The following GSE1 variants were observed in gnomAD, a reference collection of about 807,000 sequenced individuals.
GSE1 encodes the protein Gse1 coiled-coil protein, also known as genetic suppressor element 1.
In GSE1, 32 loss-of-function variants were observed where a neutral mutation model predicts 112.6. That is an observed-to-expected ratio of 0.28 (90% CI 0.21 to 0.38). GSE1 has a LOEUF of 0.38. GSE1 is among the 10% of genes least tolerant of loss of function. GSE1 has a pLI of 1.00. For synonymous variants in GSE1, 1,115 were observed against 735.6 expected (o/e 1.52, Z -8.35); for missense variants, 2,348 against 1,699.2 (o/e 1.38, Z -6.71).
chr16:85,219,440 G>A (rs543189892), intron 1 of GSE1, among the ~76,000 whole-genome samples: 75 of 152,330 alleles, frequency 4.9e-4, no homozygotes, highest in Non-Finnish European at 9.3e-4. Flanking sequence ...CAGACCTACC[G>A]CATGAAGCTG....
intron 1 of GSE1, among the ~76,000 whole-genome samples, chr16:85,186,870 G>T (rs1254773027): frequency 6.6e-6 from 1 of 152,226 alleles, no homozygotes; most frequent in Non-Finnish European, 1.5e-5. Flanking sequence ...AGCAGCGATG[G>T]TTGCCATGTA....
chr16:85,646,052 C>G (rs1358378863), intron 2 of GSE1, among the ~76,000 whole-genome samples: 1 of 146,528 alleles, frequency 6.8e-6, no homozygotes. Context: ...CCTGCTTCTA[C>G]CACGCTTCCT....
At chr16:85,646,706 T>TGCAGGCC (rs1434252169) in intron 2 of GSE1, among the ~76,000 whole-genome samples, 5 of 152,160 alleles carry the variant, frequency 3.3e-5, no homozygotes, top group African/African-American at 1.2e-4. Context: ...CGCTGCAGGC[T>TGCAGGCC]GCAGGCCAGC....
chr16:85,175,903 G>C (rs997841464), intron 1 of GSE1, among the ~76,000 whole-genome samples: 3 of 152,210 alleles, frequency 2.0e-5, no homozygotes, highest in African/African-American at 7.2e-5. Flanking sequence ...AGGTCACTCA[G>C]CTAGTAACCC....
In GSE1 at chr16:85,663,481, G is replaced by T. The variant is rs763330643; in HGVS notation, c.2511G>T (p.Gln837His). The change falls in exon 11 of 16, where the codon CAG becomes CAT. Residue 837 changes from glutamine (Q) to histidine (H), a missense_variant. Coordinates refer to ENST00000253458, the MANE Select transcript of GSE1 (RefSeq NM_014615.5). ...PSPPTIQSKR[Q>H]TPSPRLALST... ...CCCCAACAATTCAGAGCAAGCGGCA[G>T]ACGCCTTCACCGAGACTGGCGCTGT... 4.3e-6 allele frequency: 7 copies of T among 1,613,948 alleles called. No individual in the cohort carries two copies. The Admixed American group carries it at 1.2e-4, about 27-fold the overall frequency.
chr16:85,523,930 C>T (rs1296441842), intron 2 of GSE1, among the ~76,000 whole-genome samples: 1 of 152,184 alleles, frequency 6.6e-6, no homozygotes, highest in Non-Finnish European at 1.5e-5. Flanking sequence ...GAGGGGGCAG[C>T]TTACTCCCTC....
intron 1 of GSE1, among the ~76,000 whole-genome samples, chr16:85,329,511 C>T (rs974131283): frequency 6.6e-6 from 1 of 151,916 alleles, no homozygotes; most frequent in East Asian, 2.0e-4. Flanking sequence ...GACCCTCAGT[C>T]GGGCACCCGC....
At chr16:85,382,931 CACACAACACGT>C (rs1185451990) in intron 2 of GSE1, among the ~76,000 whole-genome samples, 1 of 151,462 alleles carries the variant, frequency 6.6e-6, no homozygotes. Context: ...CACACACGCG[CACACAACACGT>C]ACACATGCAC....
chr16:85,485,419 G>T (rs2050802227), intron 2 of GSE1, among the ~76,000 whole-genome samples: 1 of 149,352 alleles, frequency 6.7e-6, no homozygotes, highest in East Asian at 1.9e-4. Context: ...TTCCTCCCCT[G>T]TGCCTTCACT....
At chr16:85,354,176 A>G (rs921993034) in intron 1 of GSE1, among the ~76,000 whole-genome samples, 1 of 151,950 alleles carries the variant, frequency 6.6e-6, no homozygotes, top group African/African-American at 2.4e-5. Flanking sequence ...CTGTGCTCCC[A>G]TCTCCCCCGG....
Position 85,181,766 on chromosome 16 carries a change from G to A in GSE1, c.2283+9959G>A, listed in dbSNP as rs577355539. Among the ~76,000 whole-genome samples the A allele has an allele frequency of 5.9e-5, 9 of 152,318 alleles. No individual in the cohort carries two copies. The East Asian group carries it at 1.4e-3, about 23-fold the overall frequency. On this transcript the variant is annotated intron_variant, in intron 1 of 2. Coordinates refer to the GSE1 transcript ENST00000637419. ...ACACGACAGGACTGGCCATGGGGCT[G>A]GGACGGGTCCTGGGGTCCAGACCCA...
intron 2 of GSE1, among the ~76,000 whole-genome samples, chr16:85,421,064 G>A (rs943685670): frequency 1.3e-5 from 2 of 152,228 alleles, no homozygotes; most frequent in Non-Finnish European, 2.9e-5. Flanking sequence ...TTACCCGGGG[G>A]CGTTGGGAGG....
intron 2 of GSE1, among the ~76,000 whole-genome samples, chr16:85,377,011 G>A (rs1042993989): frequency 2.0e-5 from 3 of 152,234 alleles, no homozygotes; most frequent in African/African-American, 7.2e-5. Flanking sequence ...AGTGACCCAG[G>A]CCTGCCTCCC....
intron 1 of GSE1, among the ~76,000 whole-genome samples, chr16:85,323,291 A>T (rs73259612): frequency 2.0e-5 from 3 of 152,062 alleles, no homozygotes; most frequent in Non-Finnish European, 2.9e-5. Context: ...CATTTCCAGA[A>T]CCTTCTGAGG....
chr16:85,475,104 C>G (rs1024695990), intron 2 of GSE1, among the ~76,000 whole-genome samples: 2 of 152,212 alleles, frequency 1.3e-5, no homozygotes, highest in Non-Finnish European at 1.5e-5. Context: ...TTAATTGACC[C>G]TGCTCTGACG....
intron 2 of GSE1, among the ~76,000 whole-genome samples, chr16:85,377,156 G>A (rs1467158566): frequency 6.6e-6 from 1 of 152,242 alleles, no homozygotes; most frequent in African/African-American, 2.4e-5. Context: ...TAGGCCGCAC[G>A]TGGTCTGAGG....
At chr16:85,580,547 T>C (rs56272820) in intron 1 of GSE1, among the ~76,000 whole-genome samples, 6,755 of 152,290 alleles carry the variant, frequency 0.044, 468 homozygotes, top group African/African-American at 0.15. Flanking sequence ...GCCCCAGCGA[T>C]GCCCAGGGAC....
At chr16:85,437,822 C>T (rs116137563) in intron 2 of GSE1, among the ~76,000 whole-genome samples, 493 of 152,288 alleles carry the variant, frequency 3.2e-3, no homozygotes, top group African/African-American at 0.011. Context: ...GTGGTTGGAC[C>T]GGCTCTGGGT....
At chr16:85,596,234 C>A (rs138843598) in intron 1 of GSE1, among the ~76,000 whole-genome samples, 1 of 152,268 alleles carries the variant, frequency 6.6e-6, no homozygotes, top group East Asian at 1.9e-4. Flanking sequence ...CATGATGGTC[C>A]GCCTAACGTG....
Sources: gnomAD v4.1 joint callset for allele counts (sites outside exome capture counted in the v4.1 genomes callset) on GRCh38, gnomAD v4.1.1 for gene constraint, MANE v1.5 for transcripts, NCBI Gene and HGNC (gene_info 2026-07-23, HGNC 2026-07-21) for gene names.